DIMT1: variants seen among roughly 807,000 people sequenced by gnomAD.
DIMT1 encodes DIM1 rRNA methyltransferase and ribosome maturation factor.
DIMT1 carries 36 observed loss-of-function variants against 43.2 expected under a neutral mutation model. The ratio of observed to expected loss-of-function variants is 0.83; its 90% CI spans 0.64 to 1.10. The LOEUF is 1.10. Ranked by LOEUF, DIMT1 falls within the 50% of genes least tolerant of loss-of-function variation. The pLI is 0.00. For missense variants in DIMT1, 341 were observed against 385.3 expected (o/e 0.88, Z 0.96); for synonymous variants, 126 against 130.3 (o/e 0.97, Z 0.22).
intron 1 of DIMT1, 42 bp from the exon 2 acceptor site, chr5:62,403,388 T>G: frequency 1.3e-6 from 2 of 1,576,874 alleles, no homozygotes; most frequent in Non-Finnish European, 1.7e-6. Context: ...CCTACTGAGA[T>G]TAGATATTAG....
chr5:62,395,843 A>C (rs867531214), intron 6 of DIMT1, among the ~76,000 whole-genome samples: 4 of 152,094 alleles, frequency 2.6e-5, no homozygotes, highest in East Asian at 1.9e-4. Context: ...CCTTCTCTAA[A>C]AAAAACACAA....
chr5:62,388,320 AT>A lies in DIMT1; in HGVS notation c.*689del, dbSNP rs1742132958. The A allele has an allele frequency of 6.6e-6, 1 of 152,186 alleles. No individual in the cohort carries two copies. The highest frequency in any genetic ancestry group is 1.5e-5 in the Non-Finnish European group (1 of 68,032). 9.4% of individuals were successfully genotyped at this position (152,186 alleles called of 1,614,324 possible). On this transcript the variant is annotated 3_prime_UTR_variant, in exon 12 of 12. Transcript: ENST00000199320. ...ATAAAAAAAGATAATTTTATTGTTAATTTCATTCCAGTTTAGCTTCCTCATT... is the reference window on the plus strand; with the variant it reads ...ATAAAAAAAGATAATTTTATTGTTAATTCATTCCAGTTTAGCTTCCTCATT...
chr5:62,393,855 A>G (rs115430137), intron 8 of DIMT1, 100 bp downstream of exon 8: 1 of 1,013,634 alleles, frequency 9.9e-7, no homozygotes, highest in Non-Finnish European at 1.4e-6. Context: ...CTATGTTTGA[A>G]TATTTAGGTT....
chr5:62,393,815 G>T, intron 8 of DIMT1, 140 bp downstream of exon 8: 2 of 652,760 alleles, frequency 3.1e-6, no homozygotes, highest in Non-Finnish European at 4.9e-6. Context: ...ATCTACTTCA[G>T]CACAGGGATG....
chr5:62,397,402 G>A (rs1742536058), intron 6 of DIMT1, among the ~76,000 whole-genome samples: 1 of 152,176 alleles, frequency 6.6e-6, no homozygotes, highest in East Asian at 1.9e-4. Flanking sequence ...TACAAAGTTT[G>A]TTTAACTTTG....
At chr5:62,396,675 T>C (rs1310156304) in intron 6 of DIMT1, among the ~76,000 whole-genome samples, 1 of 152,150 alleles carries the variant, frequency 6.6e-6, no homozygotes, top group Admixed American at 6.5e-5. Flanking sequence ...CTCTGCTACA[T>C]CTTAGCTAAC....
intron 3 of DIMT1, 141 bp from the exon 4 acceptor site, chr5:62,399,022 C>T (rs748444928): frequency 1.2e-5 from 9 of 732,948 alleles, no homozygotes; most frequent in East Asian, 2.7e-5. Flanking sequence ...TAATTATACT[C>T]GCATACTTCA....
chr5:62,394,619 G>T lies in DIMT1; in HGVS notation c.447-12C>A. 6.2e-7 allele frequency: 1 copy of T among 1,613,346 alleles called. No homozygotes were observed. Among genetic ancestry groups the T allele is most frequent in the Non-Finnish European group, 8.5e-7 (1 of 1,179,832 alleles). ...TAAGTATAGCACACCTGAAAAGAAA[G>T]CAGAAAGGAATAAGGAAAATGGTCA... On this transcript the variant is annotated splice_polypyrimidine_tract_variant and intron_variant, in intron 6 of 11. Coordinates refer to ENST00000199320, the MANE Select transcript of DIMT1 (RefSeq NM_014473.4).
At chr5:62,389,882 T>C (rs1742220196) in intron 11 of DIMT1, among the ~76,000 whole-genome samples, 1 of 152,164 alleles carries the variant, frequency 6.6e-6, no homozygotes, top group African/African-American at 2.4e-5. Context: ...AGAGAAAATA[T>C]TTCTCTTTAG....
chr5:62,395,005 T>C (rs1742431370), intron 6 of DIMT1, among the ~76,000 whole-genome samples: 1 of 151,626 alleles, frequency 6.6e-6, no homozygotes, highest in Admixed American at 6.6e-5. Context: ...TTCCTTGATT[T>C]GACGGGTTAA....
chr5:62,390,935 T>G lies in DIMT1; in HGVS notation c.840A>C (p.Leu280=), dbSNP rs1451085177. ...FSIADKIQQI[L]TSTGFSDKRA... ...GTTTGTCACTAAAACCTGTGCTGGT[T>G]AGGATTTGCTGTATTTTATCTGCTA... Residue 280 remains leucine (L), a synonymous_variant, in exon 11 of 12, where the codon CTA becomes CTC. Transcript: ENST00000199320. 1.9e-6 allele frequency: 3 copies of G among 1,612,546 alleles called. No homozygotes were observed. In the African/African-American group the frequency reaches 4.0e-5, roughly 22 times the overall value.
intron 1 of DIMT1, 150 bp downstream of exon 1, chr5:62,403,544 G>A (rs1032308401): frequency 1.4e-4 from 136 of 998,604 alleles, no homozygotes; most frequent in Non-Finnish European, 1.9e-4. Context: ...CAGGGCCTGC[G>A]GCCGAGTCGG....
chr5:62,403,489 T>TTATAA (rs2112062310), intron 1 of DIMT1, 143 bp from the exon 2 acceptor site: 1 of 982,598 alleles, frequency 1.0e-6, no homozygotes, highest in East Asian at 2.6e-5. Flanking sequence ...GACAAACTCT[T>TTATAA]TATAAGTTCA....
chr5:62,400,418 CCTTT>C, intron 3 of DIMT1, among the ~76,000 whole-genome samples: 1 of 152,098 alleles, frequency 6.6e-6, no homozygotes, highest in Admixed American at 6.5e-5. Context: ...AGGCTAATTT[CCTTT>C]CTTTATTTTT....
chr5:62,394,517 T>G lies in DIMT1; in HGVS notation c.537A>C (p.Thr179=). ...DKLYCRLSIN[T]QLLARVDHLM... ...GATGGTCCACACGTGCCAACAGCTG[T>G]GTATTAATTGAGAGTCTGCAGTATA... The change falls in exon 7 of 12, where the codon ACA becomes ACC. Residue 179 remains threonine (T), a synonymous_variant. Coordinates refer to ENST00000199320, the MANE Select transcript of DIMT1 (RefSeq NM_014473.4). 6.2e-7 allele frequency: 1 copy of G among 1,614,194 alleles called. No individual in the cohort carries two copies. Among genetic ancestry groups the G allele is most frequent in the East Asian group, 2.2e-5 (1 of 44,886 alleles).
chr5:62,390,628 C>T (rs1742262843), intron 11 of DIMT1, among the ~76,000 whole-genome samples: 3 of 152,162 alleles, frequency 2.0e-5, no homozygotes, highest in Admixed American at 2.0e-4. Flanking sequence ...AACCTGCACA[C>T]CACATTAACA....
Position 62,393,844 on chromosome 5 carries a change from C to T in DIMT1, c.663+111G>A, listed in dbSNP as rs534806795. 42 of 913,820 alleles carry T rather than the reference C, an allele frequency of 4.6e-5. 1 individual carries two copies. The South Asian group carries it at 7.3e-4, about 16-fold the overall frequency. 56.6% of individuals were successfully genotyped at this position (913,820 alleles called of 1,614,324 possible). A position where few individuals can be genotyped will look rare whatever the true frequency, so the allele number is the denominator to read the frequency against. On this transcript the variant is annotated intron_variant, in intron 8 of 11. Coordinates refer to ENST00000199320, the MANE Select transcript of DIMT1 (RefSeq NM_014473.4). ...AGGGATGTGTCCTAATTAACATTTT[C>T]CTATGTTTGAATATTTAGGTTGATT...
intron 6 of DIMT1, among the ~76,000 whole-genome samples, chr5:62,395,645 A>T (rs1285134893): frequency 1.3e-5 from 2 of 152,224 alleles, no homozygotes; most frequent in Non-Finnish European, 2.9e-5. Context: ...TTTGACTTGC[A>T]GTTTGAAAGC....
intron 10 of DIMT1, chr5:62,391,586 A>C (rs1310004660): frequency 2.0e-6 from 1 of 510,910 alleles, no homozygotes; most frequent in Non-Finnish European, 2.6e-6. Flanking sequence ...ATAGGTTCTG[A>C]GTCATAAAAA....
Sources: gnomAD v4.1 joint callset for allele counts (sites outside exome capture counted in the v4.1 genomes callset) on GRCh38, gnomAD v4.1.1 for gene constraint, MANE v1.5 for transcripts, NCBI Gene and HGNC (gene_info 2026-07-23, HGNC 2026-07-21) for gene names.